Variants in PPP4R2 observed in about 807,000 individuals in gnomAD.
The protein encoded by PPP4R2 is serine/threonine-protein phosphatase 4 regulatory subunit 2.
PPP4R2 carries 13 observed loss-of-function variants against 47.2 expected under a neutral mutation model. That is an observed-to-expected ratio of 0.28 (90% CI 0.18 to 0.44). The LOEUF is 0.44. Ranked by LOEUF, PPP4R2 falls within the 20% of genes least tolerant of loss-of-function variation. The pLI, the probability that PPP4R2 is intolerant of heterozygous loss-of-function variation, is 1.00. For synonymous variants in PPP4R2, 151 were observed against 163.3 expected (o/e 0.92, Z 0.57); for missense variants, 421 against 491.2 (o/e 0.86, Z 1.35).
Position 73,065,643 on chromosome 3 carries a change from G to A in PPP4R2, c.1175G>A (p.Gly392Glu). Reference sequence around the variant, plus strand: ...GTAGGATCCAATTCCAGTAAAACTGGAGAGATTCTTTCAGAATCATCCATG... The same window carrying A: ...GTAGGATCCAATTCCAGTAAAACTGAAGAGATTCTTTCAGAATCATCCATG... ...ELVGSNSSKT[G>E]EILSESSMEN... Residue 392 changes from glycine (G) to glutamate (E), a missense_variant, in exon 9 of 9, where the codon GGA (glycine) becomes GAA (glutamate). By Grantham distance (98) the Gly-to-Glu change is moderately conservative. Around this residue, in one of 2 missense-constraint regions of PPP4R2, gnomAD observed 317 missense variants for 287.5 expected, o/e 1.10. Coordinates refer to ENST00000356692, the MANE Select transcript of PPP4R2 (RefSeq NM_174907.4). 6.2e-7 allele frequency: 1 copy of A among 1,613,118 alleles called. No individual in the cohort carries two copies. The highest frequency in any genetic ancestry group is 1.1e-5 in the South Asian group (1 of 91,028).
rs1363481621 is a variant in PPP4R2, at chr3:73,036,702, A to T, written c.117-10484A>T. 2.0e-5 allele frequency among the ~76,000 whole-genome samples: 3 copies of T among 152,144 alleles called. No individual in the cohort carries two copies. In the East Asian group the frequency reaches 5.8e-4, roughly 29 times the overall value. ...TAATGATTTTTTTCTTCTTTTTTTG[A>T]AAGTATGAGATACATTCCAGATGCA... On this transcript the variant is annotated intron_variant, in intron 2 of 8. Transcript: ENST00000356692.
At chr3:73,017,930 G>A (rs1366802604) in intron 2 of PPP4R2, among the ~76,000 whole-genome samples, 1 of 152,072 alleles carries the variant, frequency 6.6e-6, no homozygotes, top group Non-Finnish European at 1.5e-5. Context: ...GTTTCACCAT[G>A]TTGGCCAGGC....
chr3:73,064,449 T>A (rs1702942358), intron 7 of PPP4R2, among the ~76,000 whole-genome samples: 1 of 152,232 alleles, frequency 6.6e-6, no homozygotes, highest in Non-Finnish European at 1.5e-5. Flanking sequence ...TATAAATAAG[T>A]TGATTTTTGT....
rs770389018 is a variant in PPP4R2, at chr3:73,062,654, A to G, written c.420-1019A>G. 6 of 1,613,876 alleles carry G rather than the reference A, an allele frequency of 3.7e-6. No homozygotes were observed. The Admixed American group carries it at 6.7e-5, about 18-fold the overall frequency. ...TCCGCCACTGCTGTGACCTTTTGATAGGCATTGCGGCTGGATCAAGTGATA... is the reference window on the plus strand; with the variant it reads ...TCCGCCACTGCTGTGACCTTTTGATGGGCATTGCGGCTGGATCAAGTGATA... On this transcript the variant is annotated intron_variant, in intron 5 of 8. Coordinates refer to ENST00000356692, the MANE Select transcript of PPP4R2 (RefSeq NM_174907.4).
intron 2 of PPP4R2, among the ~76,000 whole-genome samples, chr3:73,015,269 T>A (rs1309998207): frequency 6.6e-6 from 1 of 152,038 alleles, no homozygotes; most frequent in Non-Finnish European, 1.5e-5. Context: ...CACCTCTGCC[T>A]CCCTGGTTCA....
rs1330465037 is a variant in PPP4R2 at position 73,055,644 on chromosome 3, A to G, written c.288-3393A>G. 2.0e-5 allele frequency among the ~76,000 whole-genome samples: 3 copies of G among 147,928 alleles called. No individual in the cohort carries two copies. The Admixed American group carries it at 2.0e-4, about 10-fold the overall frequency. The stretch of plus-strand genomic sequence containing the variant: ...ACAATATGAATAAATCAGATGATAT[A>G]TCATTGCAGAGTAAACCAAACGCTT... On this transcript the variant is annotated intron_variant, in intron 3 of 8. Coordinates refer to ENST00000356692, the MANE Select transcript of PPP4R2 (RefSeq NM_174907.4).
At chr3:73,007,898 A>AT (rs973766178) in intron 2 of PPP4R2, among the ~76,000 whole-genome samples, 10 of 151,132 alleles carry the variant, frequency 6.6e-5, no homozygotes, top group African/African-American at 2.2e-4. Context: ...ACCTTTATGA[A>AT]TTTTTCCACA....
At chr3:73,065,267 A>G (rs1251259683) in intron 8 of PPP4R2, 126 bp downstream of exon 8, 3 of 1,292,644 alleles carry the variant, frequency 2.3e-6, no homozygotes, top group Non-Finnish European at 3.1e-6. Flanking sequence ...CTTTTCTCCC[A>G]CCTGTATGTA....
At chr3:73,049,902 A>G (rs151190244) in intron 3 of PPP4R2, among the ~76,000 whole-genome samples, 268 of 152,152 alleles carry the variant, frequency 1.8e-3, no homozygotes, top group African/African-American at 6.2e-3. Flanking sequence ...CTTCTTTTAC[A>G]ACTTTATTTT....
chr3:73,004,958 TGTGTGTGTG>T (rs1489796792), intron 2 of PPP4R2, among the ~76,000 whole-genome samples: 2 of 145,438 alleles, frequency 1.4e-5, no homozygotes, highest in African/African-American at 5.3e-5. Flanking sequence ...TGTGTGTGTG[TGTGTGTGTG>T]TGTGTGTGTG....
intron 2 of PPP4R2, among the ~76,000 whole-genome samples, chr3:73,040,097 C>G (rs1211907705): frequency 1.3e-5 from 2 of 151,938 alleles, no homozygotes; most frequent in Non-Finnish European, 2.9e-5. Context: ...TTGAAGAAGC[C>G]CTGGGATGAG....
In PPP4R2 at chr3:73,062,251, C is replaced by T. The variant is rs369748323; in HGVS notation, c.419+1191C>T. Reference sequence around the variant, plus strand: ...TCTCATCTAAGAAAGGACTCACAGCCCAGCAGCCCAGGAGATGACGCAATG... The same window carrying T: ...TCTCATCTAAGAAAGGACTCACAGCTCAGCAGCCCAGGAGATGACGCAATG... On this transcript the variant is annotated intron_variant, in intron 5 of 8. Transcript: ENST00000356692. 2.5e-6 allele frequency: 4 copies of T among 1,599,338 alleles called. No homozygotes were observed. Among genetic ancestry groups the T allele is most frequent in the African/African-American group, 2.7e-5 (2 of 73,758 alleles).
At chr3:73,062,501 A>T (rs1312129295) in intron 5 of PPP4R2, 10 of 1,613,732 alleles carry the variant, frequency 6.2e-6, no homozygotes, top group Non-Finnish European at 8.5e-6. Context: ...ACCAGGCATT[A>T]CTGAGTGTTG....
intron 5 of PPP4R2, 71 bp from the exon 6 acceptor site, chr3:73,063,602 T>A: frequency 1.2e-6 from 1 of 856,156 alleles, no homozygotes; most frequent in Non-Finnish European, 2.0e-6. Context: ...CCATTCCACC[T>A]TGGGTGACAG....
chr3:73,018,466 G>GTTATGTTTATGTTATGT (rs1553646475), intron 2 of PPP4R2, among the ~76,000 whole-genome samples: 1 of 68,748 alleles, frequency 1.5e-5, no homozygotes, highest in Admixed American at 1.4e-4. Context: ...TGTTATGTTA[G>GTTATGTTTATGTTATGT]TATCCGAAAC....
chr3:73,010,522 A>G (rs1559548482), intron 2 of PPP4R2, among the ~76,000 whole-genome samples: 2 of 150,320 alleles, frequency 1.3e-5, no homozygotes, highest in Admixed American at 1.3e-4. Context: ...CATGGTTAAA[A>G]CTCTACTTCT....
At chr3:73,037,390 C>A (rs1333059822) in intron 2 of PPP4R2, among the ~76,000 whole-genome samples, 1 of 152,018 alleles carries the variant, frequency 6.6e-6, no homozygotes, top group Non-Finnish European at 1.5e-5. Context: ...TTCTGATTTC[C>A]CCAGCCTTAT....
chr3:73,060,877 T>G (rs1702844216), intron 4 of PPP4R2, 146 bp from the exon 5 acceptor site: 2 of 519,190 alleles, frequency 3.9e-6, no homozygotes, highest in Non-Finnish European at 6.7e-6. Context: ...GTTTCACCAG[T>G]TTTCATTTTT....
intron 2 of PPP4R2, among the ~76,000 whole-genome samples, chr3:73,031,802 C>A (rs1465192511): frequency 6.6e-6 from 1 of 152,182 alleles, no homozygotes; most frequent in Non-Finnish European, 1.5e-5. Flanking sequence ...CCCTCATACC[C>A]AAAGCTGTCT....
Sources: gnomAD v4.1 joint callset for allele counts (sites outside exome capture counted in the v4.1 genomes callset) on GRCh38, gnomAD v4.1.1 for gene constraint, gnomAD v4.1.1 regional missense constraint, MANE v1.5 for transcripts, NCBI Gene and HGNC (gene_info 2026-07-23, HGNC 2026-07-21) for gene names.